Variants in THEMIS observed in about 807,000 individuals in gnomAD.
THEMIS encodes the protein thymocyte selection associated.
THEMIS carries 37 observed loss-of-function variants against 52.6 expected under a neutral mutation model. The ratio of observed to expected loss-of-function variants is 0.70; its 90% CI spans 0.54 to 0.93. The LOEUF (loss-of-function observed/expected upper bound fraction) is 0.93. THEMIS is among the 40% of genes least tolerant of loss of function. The pLI, the probability that THEMIS is intolerant of heterozygous loss-of-function variation, is 0.00. For missense variants in THEMIS, 808 were observed against 763.1 expected (o/e 1.06, Z -0.69); for synonymous variants, 292 against 272.7 (o/e 1.07, Z -0.70).
intron 1 of THEMIS, among the ~76,000 whole-genome samples, chr6:127,890,692 C>T (rs994054852): frequency 2.0e-5 from 3 of 151,890 alleles, no homozygotes; most frequent in Non-Finnish European, 4.4e-5. Context: ...ATTACATGTA[C>T]CCCATAAATA....
rs892815892 is a variant in THEMIS at position 127,754,419 on chromosome 6, G to A, written c.1759-34596C>T. On this transcript the variant is annotated intron_variant, in intron 4 of 5. Coordinates refer to ENST00000368248, the MANE Select transcript of THEMIS (RefSeq NM_001010923.3). ...TGCTGTGGCCTGATGATACTGTGAT[G>A]GACCCAGATTCTTACTCTCTCACCA... Among the ~76,000 whole-genome samples the A allele has an allele frequency of 5.9e-5, 9 of 152,112 alleles. No individual in the cohort carries two copies. In the East Asian group the frequency reaches 1.7e-3, roughly 29 times the overall value.
chr6:127,727,270 A>G (rs372594419), intron 4 of THEMIS, among the ~76,000 whole-genome samples: 23 of 152,314 alleles, frequency 1.5e-4, no homozygotes, highest in African/African-American at 5.5e-4. Context: ...TAACTCTTAG[A>G]GTCTGTAAGT....
intron 1 of THEMIS, among the ~76,000 whole-genome samples, chr6:127,869,896 G>T (rs1367660903): frequency 6.6e-6 from 1 of 152,126 alleles, no homozygotes; most frequent in Non-Finnish European, 1.5e-5. Context: ...AAACACCATT[G>T]TCTCTATGCC....
At chr6:127,798,709 G>A (rs1014466443) in intron 4 of THEMIS, among the ~76,000 whole-genome samples, 1 of 152,076 alleles carries the variant, frequency 6.6e-6, no homozygotes, top group Non-Finnish European at 1.5e-5. Context: ...AATTAAAGAC[G>A]GCCGGGCGCG....
At chr6:127,707,423 T>C (rs1193655933), downstream of THEMIS, among the ~76,000 whole-genome samples, 3 of 152,142 alleles carry the variant, frequency 2.0e-5, no homozygotes, top group Admixed American at 2.0e-4. Context: ...TAATAGCACA[T>C]ATTTTAATGA....
intron 4 of THEMIS, among the ~76,000 whole-genome samples, chr6:127,770,924 C>A (rs1776363065): frequency 6.6e-6 from 1 of 151,350 alleles, no homozygotes; most frequent in Admixed American, 6.6e-5. Flanking sequence ...AAGATCAGTT[C>A]AATCAGGCAA....
intron 5 of THEMIS, among the ~76,000 whole-genome samples, chr6:127,710,469 G>C (rs1225870173): frequency 6.6e-6 from 1 of 151,926 alleles, no homozygotes; most frequent in Non-Finnish European, 1.5e-5. Flanking sequence ...GTGGCACTAT[G>C]CCTCCTGAAT....
chr6:127,745,918 GA>G (rs961227826), intron 4 of THEMIS, among the ~76,000 whole-genome samples: 3 of 151,738 alleles, frequency 2.0e-5, no homozygotes, highest in African/African-American at 7.3e-5. Context: ...TACTTAAAGG[GA>G]AAAGTTTTTA....
intron 1 of THEMIS, among the ~76,000 whole-genome samples, chr6:127,910,959 G>T (rs1296257577): frequency 1.3e-5 from 2 of 152,044 alleles, no homozygotes; most frequent in African/African-American, 4.8e-5. Context: ...TGATGACCTT[G>T]ACAATTTGAG....
At chr6:127,815,953 T>C (rs752848282) in intron 3 of THEMIS, among the ~76,000 whole-genome samples, 61 of 152,292 alleles carry the variant, frequency 4.0e-4, no homozygotes, top group African/African-American at 1.3e-3. Context: ...CTTTAATGCA[T>C]TGGAGGACTT....
At position 127,709,821 on chromosome 6, in the gene THEMIS, AG is replaced by A. The variant is rs1423129742; in HGVS notation, c.*163del. 3.3e-6 allele frequency: 2 copies of A among 608,416 alleles called. No homozygotes were observed. The highest frequency in any genetic ancestry group is 5.7e-6 in the Non-Finnish European group (2 of 353,022). The allele number at this position is 608,416 out of a possible 1,614,324, so 37.7% of individuals were successfully genotyped here. A position where few individuals can be genotyped will look rare whatever the true frequency, so the allele number is the denominator to read the frequency against. On this transcript the variant is annotated 3_prime_UTR_variant, in exon 6 of 6. Coordinates refer to ENST00000368248, the MANE Select transcript of THEMIS (RefSeq NM_001010923.3). The stretch of plus-strand genomic sequence containing the variant: ...GAATTCTATATCATAGGTTTCTGTA[AG>A]TTTTATCTGTTAAAAGTTTTAAGGT...
rs550034058 is a variant in THEMIS, at chr6:127,772,198, G to GTT, written c.1758+40683_1758+40684dup. The stretch of plus-strand genomic sequence containing the variant: ...GATTATTCTCATGAATGCACATATG[G>GTT]TTTTTTTTTTAATAAGACAGATAAT... On this transcript the variant is annotated intron_variant, in intron 4 of 5. Transcript: ENST00000368248. 9.8e-3 allele frequency among the ~76,000 whole-genome samples: 1,453 copies of GTT among 147,878 alleles called. 24 individuals carry two copies. Among genetic ancestry groups the GTT allele is most frequent in the African/African-American group, 0.034 (1,385 of 40,538 alleles).
Position 127,813,927 on chromosome 6 carries a change from T to C in THEMIS, c.714A>G (p.Arg238=). 6.5e-7 allele frequency: 1 copy of C among 1,535,888 alleles called. No individual in the cohort carries two copies. Among genetic ancestry groups the C allele is most frequent in the Non-Finnish European group, 8.7e-7 (1 of 1,145,492 alleles). The change falls in exon 4 of 6, where the codon CGA becomes CGG. Residue 238 remains arginine, a synonymous_variant. Coordinates refer to ENST00000368248, the MANE Select transcript of THEMIS (RefSeq NM_001010923.3). ...VYEIQGVMKF[R]KDIIRILPSL... ...TGGGGAGGATGCGGATTATATCTTT[T>C]CGAACTAAAAAGAAAAAATAAATCA...
At chr6:127,881,485 A>G (rs1780483446) in intron 1 of THEMIS, among the ~76,000 whole-genome samples, 1 of 152,024 alleles carries the variant, frequency 6.6e-6, no homozygotes, top group Non-Finnish European at 1.5e-5. Flanking sequence ...TCCATTTTGT[A>G]ACTTTGTATT....
chr6:127,881,988 C>T lies in THEMIS; in HGVS notation c.91+18854G>A, dbSNP rs61073619. Among the ~76,000 whole-genome samples, 722 of 124,332 alleles carry T rather than the reference C, an allele frequency of 5.8e-3. 5 individuals are homozygous for T. The highest frequency in any genetic ancestry group is 0.022 in the African/African-American group (683 of 31,414). The allele number at this position is 124,332 out of a possible 152,430, so 81.6% of individuals were successfully genotyped here. A position where few individuals can be genotyped will look rare whatever the true frequency, so the allele number is the denominator to read the frequency against. On this transcript the variant is annotated intron_variant, in intron 1 of 5. Transcript: ENST00000368248. ...AGTTATATAGTAGCTGAAGTGTCATCTTATACAGCAAAAAAAAAAAAAAAA... is the reference window on the plus strand; with the variant it reads ...AGTTATATAGTAGCTGAAGTGTCATTTTATACAGCAAAAAAAAAAAAAAAA...
chr6:127,841,720 G>GA (rs11447679), intron 2 of THEMIS, among the ~76,000 whole-genome samples: 150,281 of 150,732 alleles, frequency 1, 74,918 homozygotes, highest in Non-Finnish European at 1. Context: ...AAAAGCAAGA[G>GA]AAAAAAAAAT....
intron 4 of THEMIS, among the ~76,000 whole-genome samples, chr6:127,761,023 G>A (rs1186016476): frequency 6.6e-6 from 1 of 152,062 alleles, no homozygotes. Context: ...TATAGAATGG[G>A]AGAAAATGTT....
intron 4 of THEMIS, among the ~76,000 whole-genome samples, chr6:127,787,657 A>T (rs1395930247): frequency 6.6e-6 from 1 of 152,148 alleles, no homozygotes; most frequent in Non-Finnish European, 1.5e-5. Flanking sequence ...TATCTTGATA[A>T]ACGATACCAT....
chr6:127,804,471 G>C (rs1777635103), intron 4 of THEMIS, among the ~76,000 whole-genome samples: 1 of 152,156 alleles, frequency 6.6e-6, no homozygotes, highest in African/African-American at 2.4e-5. Context: ...GATTAAATAA[G>C]AGATTAATAC....
Sources: allele counts gnomAD v4.1 joint callset (sites outside exome capture counted in the v4.1 genomes callset), GRCh38; gene constraint gnomAD v4.1.1; transcripts MANE v1.5; gene names NCBI Gene and HGNC (gene_info 2026-07-23, HGNC 2026-07-21).